ESRRG: variants seen among roughly 807,000 people sequenced by gnomAD.
ESRRG encodes the protein estrogen-related receptor gamma.
ESRRG carries 13 observed loss-of-function variants against 44.0 expected under a neutral mutation model. That is an observed-to-expected ratio of 0.30 (90% confidence interval 0.19 to 0.47). The LOEUF is 0.47. Among genes scored for constraint, ESRRG ranks in the 20% least tolerant of loss-of-function variants. The pLI, the probability that ESRRG is intolerant of heterozygous loss-of-function variation, is 1.00. For missense variants in ESRRG, 395 were observed against 580.6 expected (o/e 0.68, Z 3.29); for synonymous variants, 215 against 214.6 (o/e 1.00, Z -0.02).
chr1:216,883,450 C>T lies in ESRRG; in HGVS notation c.-14+56132G>A, dbSNP rs962180437. On this transcript the variant is annotated intron_variant, in intron 2 of 7. Transcript: ENST00000359162. The stretch of plus-strand genomic sequence containing the variant: ...TCAGTGTGATTGCCATGAACACTTG[C>T]TTAAAATAAAGAGTTTGAATATACA... 2.1e-5 allele frequency among the ~76,000 whole-genome samples: 3 copies of T among 144,038 alleles called. No individual in the cohort carries two copies. In the East Asian group the frequency reaches 6.3e-4, roughly 30 times the overall value. 94.5% of individuals were successfully genotyped at this position (144,038 alleles called of 152,430 possible). A position where few individuals can be genotyped will look rare whatever the true frequency, so the allele number is the denominator to read the frequency against.
At chr1:216,898,329 G>T (rs756871729) in intron 2 of ESRRG, among the ~76,000 whole-genome samples, 2 of 152,048 alleles carry the variant, frequency 1.3e-5, no homozygotes, top group African/African-American at 4.8e-5. Flanking sequence ...ATAAGAAGTT[G>T]GTACATGGCC....
At chr1:216,845,402 T>C (rs1206652016) in intron 2 of ESRRG, among the ~76,000 whole-genome samples, 1 of 152,114 alleles carries the variant, frequency 6.6e-6, no homozygotes, top group Non-Finnish European at 1.5e-5. Flanking sequence ...ATTGATAGGG[T>C]ATAATTTATT....
chr1:216,671,545 T>G (rs1275507797), intron 2 of ESRRG, among the ~76,000 whole-genome samples: 1 of 152,196 alleles, frequency 6.6e-6, no homozygotes, highest in Non-Finnish European at 1.5e-5. Flanking sequence ...TTAGTGTACA[T>G]TTACTATGGG....
At chr1:216,871,863 T>A (rs1208830242) in intron 2 of ESRRG, among the ~76,000 whole-genome samples, 1 of 152,094 alleles carries the variant, frequency 6.6e-6, no homozygotes, top group African/African-American at 2.4e-5. Flanking sequence ...AGGAAAAGAA[T>A]TGTCTATTAT....
chr1:216,693,798 C>G (rs189477237), intron 1 of ESRRG, among the ~76,000 whole-genome samples: 1 of 152,274 alleles, frequency 6.6e-6, no homozygotes, highest in East Asian at 1.9e-4. Context: ...ACTGTACAAA[C>G]TTATGTTTCC....
chr1:216,918,157 T>A (rs1266082462), intron 2 of ESRRG, among the ~76,000 whole-genome samples: 1 of 152,182 alleles, frequency 6.6e-6, no homozygotes, highest in Non-Finnish European at 1.5e-5. Context: ...GTAATTCAAT[T>A]CCAAACATCA....
At chr1:217,002,802 G>A (rs1209701942) in intron 1 of ESRRG, among the ~76,000 whole-genome samples, 2 of 152,114 alleles carry the variant, frequency 1.3e-5, no homozygotes, top group East Asian at 3.9e-4. Context: ...GGAACCTCCA[G>A]CCCCACGCAG....
At chr1:216,593,693 G>A (rs939319006) in intron 3 of ESRRG, among the ~76,000 whole-genome samples, 8 of 152,154 alleles carry the variant, frequency 5.3e-5, no homozygotes, top group East Asian at 3.9e-4. Flanking sequence ...AAGTTAGAAC[G>A]GATTCCCAGT....
At chr1:217,042,566 C>T (rs533481673) in intron 1 of ESRRG, among the ~76,000 whole-genome samples, 14 of 151,612 alleles carry the variant, frequency 9.2e-5, no homozygotes, top group African/African-American at 1.7e-4. Flanking sequence ...AGAGGAATTC[C>T]GCTACCTGTC....
chr1:216,804,561 T>C (rs144037916), intron 2 of ESRRG, among the ~76,000 whole-genome samples: 1 of 152,268 alleles, frequency 6.6e-6, no homozygotes, highest in Non-Finnish European at 1.5e-5. Flanking sequence ...CACAAATCCT[T>C]GTATCTTTTT....
At chr1:217,109,800 A>G (rs1558271537) in intron 1 of ESRRG, among the ~76,000 whole-genome samples, 1 of 152,156 alleles carries the variant, frequency 6.6e-6, no homozygotes, top group African/African-American at 2.4e-5. Flanking sequence ...ACAAAACATG[A>G]GTGGAAAAGA....
chr1:216,863,632 C>T (rs1316828823), intron 2 of ESRRG: 1 of 152,134 alleles, frequency 6.6e-6, no homozygotes, highest in East Asian at 1.9e-4. Context: ...TTCTCCTATA[C>T]CCTTTTGAGA....
intron 5 of ESRRG, among the ~76,000 whole-genome samples, chr1:216,528,267 G>A (rs1028039258): frequency 6.6e-6 from 1 of 152,134 alleles, no homozygotes; most frequent in Admixed American, 6.6e-5. Flanking sequence ...AAGTATATAG[G>A]ATTTTTATTT....
intron 2 of ESRRG, among the ~76,000 whole-genome samples, chr1:216,795,080 T>C (rs2094436925): frequency 6.6e-6 from 1 of 152,114 alleles, no homozygotes; most frequent in African/African-American, 2.4e-5. Context: ...CAGGTTCAGT[T>C]AATTTCCATT....
At chr1:216,615,361 T>C (rs1179872232) in intron 3 of ESRRG, among the ~76,000 whole-genome samples, 1 of 152,262 alleles carries the variant, frequency 6.6e-6, no homozygotes, top group Non-Finnish European at 1.5e-5. Flanking sequence ...TTCTTTGGCA[T>C]ATTTTTCTAC....
At chr1:216,660,044 C>T (rs763762519) in intron 2 of ESRRG, among the ~76,000 whole-genome samples, 16 of 152,286 alleles carry the variant, frequency 1.1e-4, no homozygotes, top group Non-Finnish European at 2.4e-4. Context: ...TAGCAATTCA[C>T]TAGTACTATA....
At chr1:216,641,755 AG>A (rs1191827776) in intron 3 of ESRRG, among the ~76,000 whole-genome samples, 2 of 152,256 alleles carry the variant, frequency 1.3e-5, no homozygotes, top group Non-Finnish European at 2.9e-5. Context: ...TTATTCACAT[AG>A]TTTGTAACTG....
At chr1:216,611,761 A>T (rs1158213872) in intron 3 of ESRRG, among the ~76,000 whole-genome samples, 2 of 152,132 alleles carry the variant, frequency 1.3e-5, no homozygotes. Context: ...AGGTATGTAA[A>T]AAAAAAAAAA....
intron 3 of ESRRG, among the ~76,000 whole-genome samples, chr1:216,596,189 A>G (rs987664531): frequency 6.6e-6 from 1 of 152,134 alleles, no homozygotes; most frequent in Non-Finnish European, 1.5e-5. Context: ...CCCTGTGTAC[A>G]CCGCATTCCC....
Sources: allele counts gnomAD v4.1 joint callset (sites outside exome capture counted in the v4.1 genomes callset), GRCh38; gene constraint gnomAD v4.1.1; transcripts MANE v1.5; gene names NCBI Gene and HGNC (gene_info 2026-07-23, HGNC 2026-07-21).